The following COL11A1 variants were observed in gnomAD, a reference collection of about 807,000 sequenced individuals.
COL11A1 encodes collagen type XI alpha 1 chain.
COL11A1 carries 74 observed loss-of-function variants against 265.2 expected under a neutral mutation model. That is an observed-to-expected ratio of 0.28 (90% CI 0.23 to 0.34). The LOEUF (loss-of-function observed/expected upper bound fraction) is 0.34, where lower values mean the gene tolerates loss of function less well. COL11A1 is among the 10% of genes least tolerant of loss of function. COL11A1 has a pLI of 1.00. For missense variants in COL11A1, 2,165 were observed against 2,263.6 expected (o/e 0.96, Z 0.88); for synonymous variants, 816 against 727.6 (o/e 1.12, Z -1.96).
At chr1:103,037,598 G>A (rs1210142703) in intron 4 of COL11A1, among the ~76,000 whole-genome samples, 3 of 152,034 alleles carry the variant, frequency 2.0e-5, no homozygotes, top group Admixed American at 6.6e-5. Flanking sequence ...TCACAAAAAA[G>A]GCAGAAGAAA....
intron 14 of COL11A1, among the ~76,000 whole-genome samples, chr1:103,010,662 G>C (rs1666033005): frequency 6.6e-6 from 1 of 151,660 alleles, no homozygotes. Context: ...AAATTTATTT[G>C]AATAATAGAG....
At chr1:103,051,722 G>A (rs1295623267) in intron 4 of COL11A1, among the ~76,000 whole-genome samples, 1 of 152,158 alleles carries the variant, frequency 6.6e-6, no homozygotes, top group Non-Finnish European at 1.5e-5. Context: ...GACTGGAGCT[G>A]TTCCCATTTG....
intron 63 of COL11A1, among the ~76,000 whole-genome samples, chr1:102,885,751 T>G (rs897463402): frequency 9.9e-5 from 15 of 152,114 alleles, no homozygotes; most frequent in African/African-American, 3.6e-4. Context: ...ATCATCTACA[T>G]CTTTTGCTTA....
intron 47 of COL11A1, among the ~76,000 whole-genome samples, chr1:102,922,531 G>A (rs1194954308): frequency 6.6e-6 from 1 of 152,106 alleles, no homozygotes; most frequent in Non-Finnish European, 1.5e-5. Flanking sequence ...CGAGTAGCTG[G>A]GACTACAGGC....
chr1:103,017,831 G>A lies in COL11A1; in HGVS notation c.1402C>T (p.Pro468Ser). ...GTCCATTCACTTACCCTATCGCCAG[G>A]GTCACCAGGGGGTCCAGTGGGGCCT... Reference protein sequence around the residue: ...LQGPTGPPGDPGDRGPPGRPG... With the variant: ...LQGPTGPPGDSGDRGPPGRPG... The change falls in exon 11 of 67, where the codon CCT becomes TCT. Residue 468 changes from proline (P) to serine (S), a missense_variant. Physicochemically the swap from Pro to Ser is moderately conservative, Grantham distance 74 (BLOSUM62 -1). Transcript: ENST00000370096. 6.2e-7 allele frequency: 1 copy of A among 1,612,638 alleles called. No homozygotes were observed. The highest frequency in any genetic ancestry group is 8.5e-7 in the Non-Finnish European group (1 of 1,178,930).
chr1:102,986,844 TATG>T (rs1484595618), intron 30 of COL11A1, among the ~76,000 whole-genome samples: 2 of 152,150 alleles, frequency 1.3e-5, no homozygotes, highest in Non-Finnish European at 2.9e-5. Context: ...AAACAATGAA[TATG>T]ATAATTATCT....
intron 10 of COL11A1, among the ~76,000 whole-genome samples, 178 bp downstream of exon 10, chr1:103,018,640 G>A (rs1273131931): frequency 2.0e-5 from 3 of 152,118 alleles, no homozygotes; most frequent in Admixed American, 6.6e-5. Flanking sequence ...AATTTAAAGA[G>A]TATTACTTGG....
At chr1:103,066,742 G>T (rs1011826904) in intron 4 of COL11A1, among the ~76,000 whole-genome samples, 2 of 151,698 alleles carry the variant, frequency 1.3e-5, no homozygotes, top group Admixed American at 1.3e-4. Context: ...TTAAAAGGCA[G>T]AAATTTATAG....
At chr1:103,033,158 C>T (rs1440334372) in intron 4 of COL11A1, among the ~76,000 whole-genome samples, 1 of 152,056 alleles carries the variant, frequency 6.6e-6, no homozygotes, top group Non-Finnish European at 1.5e-5. Context: ...GCACGTTGTA[C>T]CATGTGTTAG....
intron 6 of COL11A1, chr1:103,025,921 C>G (rs569376136): frequency 5.6e-6 from 9 of 1,612,504 alleles, no homozygotes; most frequent in East Asian, 2.2e-5. Flanking sequence ...AGCCACTGTC[C>G]TCATCTTCTT....
At chr1:103,086,973 T>A (rs1221446002) in intron 1 of COL11A1, among the ~76,000 whole-genome samples, 1 of 152,236 alleles carries the variant, frequency 6.6e-6, no homozygotes, top group Non-Finnish European at 1.5e-5. Context: ...TTGCGTTTAA[T>A]AAATTGTCAT....
intron 5 of COL11A1, among the ~76,000 whole-genome samples, chr1:103,028,614 T>C (rs1280110539): frequency 6.6e-6 from 1 of 152,114 alleles, no homozygotes; most frequent in African/African-American, 2.4e-5. Context: ...ATTTCAACTT[T>C]GTCGGTATTC....
At chr1:102,923,192 C>G in intron 47 of COL11A1, 144 bp downstream of exon 47, 1 of 662,912 alleles carries the variant, frequency 1.5e-6, no homozygotes, top group Non-Finnish European at 2.6e-6. Context: ...GAGCTAAAGA[C>G]TAATATATAA....
At chr1:102,940,209 CTT>C in intron 43 of COL11A1, 116 bp downstream of exon 43, 1 of 814,924 alleles carries the variant, frequency 1.2e-6, no homozygotes, top group East Asian at 2.6e-5. Context: ...GTGTGTGAAA[CTT>C]TGAAAAAGGT....
chr1:102,898,736 C>A lies in COL11A1; in HGVS notation c.4178G>T (p.Gly1393Val). The A allele has an allele frequency of 6.2e-7, 1 of 1,613,006 alleles. No individual in the cohort carries two copies. Among genetic ancestry groups the A allele is most frequent in the Non-Finnish European group, 8.5e-7 (1 of 1,179,402 alleles). ...TGCAGGTCCCTGAGGACCGACTGGG[C>A]CGGTTTTTCCAGGAGGACCTTCTGC... ...AGAEGPPGKT[G>V]PVGPQGPAGK... Residue 1393 changes from glycine (G) to valine (V), a missense_variant, in exon 56 of 67, where the codon GGC (glycine) becomes GTC (valine). Gly to Val is a moderately radical substitution (Grantham distance 109). Coordinates refer to ENST00000370096, the MANE Select transcript of COL11A1 (RefSeq NM_001854.4).
At chr1:103,053,425 A>G (rs1027874383) in intron 4 of COL11A1, among the ~76,000 whole-genome samples, 7 of 152,186 alleles carry the variant, frequency 4.6e-5, no homozygotes, top group African/African-American at 1.4e-4. Flanking sequence ...GCTGTTGTAT[A>G]GTAAAGTACA....
intron 39 of COL11A1, 73 bp from the exon 40 acceptor site, chr1:102,962,338 C>A: frequency 9.1e-7 from 1 of 1,100,236 alleles, no homozygotes; most frequent in Non-Finnish European, 1.4e-6. Context: ...ATTGTGATTA[C>A]CTCTAAACTA....
At chr1:103,029,618 T>G (rs1009670400) in intron 5 of COL11A1, among the ~76,000 whole-genome samples, 9 of 152,042 alleles carry the variant, frequency 5.9e-5, no homozygotes, top group Non-Finnish European at 1.3e-4. Context: ...ATGCTATATA[T>G]TATTGCATTA....
At chr1:102,933,697 C>T (rs530741614) in intron 46 of COL11A1, among the ~76,000 whole-genome samples, 17 of 152,284 alleles carry the variant, frequency 1.1e-4, no homozygotes, top group South Asian at 2.1e-4. Context: ...GCCTCGCTGC[C>T]ACCTTGCAGT....
Sources: allele counts gnomAD v4.1 joint callset (sites outside exome capture counted in the v4.1 genomes callset), GRCh38; gene constraint gnomAD v4.1.1; transcripts MANE v1.5; gene names NCBI Gene and HGNC (gene_info 2026-07-23, HGNC 2026-07-21).